ELF1: variants seen among roughly 807,000 people sequenced by gnomAD.
The protein encoded by ELF1 is ETS-related transcription factor Elf-1.
A neutral mutation model predicts 59.9 loss-of-function variants in ELF1; 24 were observed. The ratio of observed to expected loss-of-function variants is 0.40; its 90% CI spans 0.29 to 0.56. The LOEUF (loss-of-function observed/expected upper bound fraction) is 0.56, where lower values mean the gene tolerates loss of function less well. ELF1 is among the 20% of genes least tolerant of loss of function. The pLI is 0.44. For missense variants in ELF1, 627 were observed against 742.2 expected (o/e 0.84, Z 1.80); for synonymous variants, 248 against 266.2 (o/e 0.93, Z 0.67).
intron 2 of ELF1, among the ~76,000 whole-genome samples, chr13:40,962,047 C>T (rs1265062685): frequency 1.3e-5 from 2 of 152,186 alleles, no homozygotes; most frequent in Non-Finnish European, 2.9e-5. Context: ...ACCACAGATA[C>T]TTGTTACTAC....
At chr13:40,993,258 GT>G in intron 1 of ELF1, 2 of 1,581,800 alleles carry the variant, frequency 1.3e-6, no homozygotes, top group Non-Finnish European at 1.7e-6. Context: ...AACAGATGTT[GT>G]TGGGCCTCTG....
At chr13:40,965,174 C>A (rs1032288278) in intron 2 of ELF1, among the ~76,000 whole-genome samples, 1 of 152,168 alleles carries the variant, frequency 6.6e-6, no homozygotes, top group African/African-American at 2.4e-5. Flanking sequence ...TGCTGAAGAT[C>A]ATCAAATCTT....
chr13:41,032,311 G>A (rs977588396), intron 1 of ELF1, among the ~76,000 whole-genome samples: 3 of 150,634 alleles, frequency 2.0e-5, no homozygotes, highest in East Asian at 2.0e-4. Flanking sequence ...TCTGCCTCCC[G>A]GGTTCAAGTG....
chr13:41,032,781 T>C (rs1876218911), intron 1 of ELF1, among the ~76,000 whole-genome samples: 1 of 151,712 alleles, frequency 6.6e-6, no homozygotes, highest in Admixed American at 6.6e-5. Flanking sequence ...GCCCAGGAGT[T>C]TGAGGTCACA....
At chr13:41,024,091 T>A (rs2138397581), upstream of ELF1, among the ~76,000 whole-genome samples, 1 of 152,310 alleles carries the variant, frequency 6.6e-6, no homozygotes, top group Middle Eastern at 3.4e-3. Context: ...CTGACTGCAA[T>A]CTCAAGTTGT....
chr13:40,954,455 G>GTCTCCC (rs1199052007), intron 3 of ELF1, among the ~76,000 whole-genome samples: 4 of 137,884 alleles, frequency 2.9e-5, no homozygotes, highest in African/African-American at 1.0e-4. Context: ...TCTCCCCACG[G>GTCTCCC]TCTCCCTCTC....
chr13:40,970,931 G>A (rs1419844233), intron 2 of ELF1, among the ~76,000 whole-genome samples: 1 of 152,154 alleles, frequency 6.6e-6, no homozygotes, highest in Non-Finnish European at 1.5e-5. Flanking sequence ...CTAATGTAGT[G>A]ATGACGGAAG....
At chr13:41,061,267 C>G (rs1260652954) in exon 1 of ELF1, 1 of 282,872 alleles carries the variant, frequency 3.5e-6, no homozygotes, top group Non-Finnish European at 6.9e-6. Context: ...CTTGAGCCAG[C>G]GAGCCTAGAA....
At chr13:40,959,803 T>G (rs1489361468) in intron 2 of ELF1, among the ~76,000 whole-genome samples, 1 of 152,190 alleles carries the variant, frequency 6.6e-6, no homozygotes, top group East Asian at 1.9e-4. Context: ...AATTTTAGAA[T>G]GGAAAGGACC....
chr13:40,964,035 GA>G (rs1409630279), intron 2 of ELF1, among the ~76,000 whole-genome samples: 1 of 151,788 alleles, frequency 6.6e-6, no homozygotes, highest in Non-Finnish European at 1.5e-5. Context: ...ACCATAAATA[GA>G]AAAAAAATGC....
At chr13:40,977,693 A>G (rs1031241500) in intron 2 of ELF1, among the ~76,000 whole-genome samples, 6 of 152,236 alleles carry the variant, frequency 3.9e-5, no homozygotes, top group African/African-American at 1.4e-4. Flanking sequence ...TTAAAAAGTT[A>G]AAAATCCCAA....
intron 1 of ELF1, 53 bp from the exon 2 acceptor site, chr13:40,982,335 T>C: frequency 8.7e-7 from 1 of 1,148,474 alleles, no homozygotes. Flanking sequence ...CCACTTAGGA[T>C]ATAATAACTG....
upstream of ELF1, among the ~76,000 whole-genome samples, chr13:41,020,990 T>C (rs768861057): frequency 2.0e-5 from 3 of 152,010 alleles, no homozygotes; most frequent in Non-Finnish European, 2.9e-5. Context: ...CTTACAAAAC[T>C]AAAAATAAAC....
chr13:41,033,823 T>C (rs765783765), intron 1 of ELF1, among the ~76,000 whole-genome samples: 1 of 152,224 alleles, frequency 6.6e-6, no homozygotes. Context: ...TACTATATGA[T>C]TCCATTTATA....
intron 1 of ELF1, among the ~76,000 whole-genome samples, chr13:41,046,691 G>A (rs1264676880): frequency 1.3e-5 from 2 of 152,144 alleles, no homozygotes; most frequent in African/African-American, 2.4e-5. Context: ...TGGGTAACCC[G>A]ACCTTTTTCT....
intron 2 of ELF1, among the ~76,000 whole-genome samples, chr13:40,970,275 T>C (rs895596155): frequency 1.3e-5 from 2 of 152,224 alleles, no homozygotes; most frequent in African/African-American, 4.8e-5. Flanking sequence ...TCTAGACTTA[T>C]TTAGTAATTC....
At chr13:41,043,524 CT>C (rs1415778923) in intron 1 of ELF1, among the ~76,000 whole-genome samples, 1 of 152,140 alleles carries the variant, frequency 6.6e-6, no homozygotes, top group Admixed American at 6.5e-5. Context: ...CTACATATGT[CT>C]AGCCAGTTTT....
chr13:40,968,186 T>C (rs1872304214), intron 2 of ELF1, among the ~76,000 whole-genome samples: 1 of 152,160 alleles, frequency 6.6e-6, no homozygotes, highest in Non-Finnish European at 1.5e-5. Flanking sequence ...AAAGCAGAGG[T>C]CCATCTGATG....
chr13:41,008,495 G>A (rs1874872536), intron 1 of ELF1, among the ~76,000 whole-genome samples: 1 of 151,938 alleles, frequency 6.6e-6, no homozygotes, highest in Non-Finnish European at 1.5e-5. Context: ...GATGAGACTG[G>A]TGTGATTTTG....
Sources: allele counts gnomAD v4.1 joint callset (sites outside exome capture counted in the v4.1 genomes callset), GRCh38; gene constraint gnomAD v4.1.1; transcripts MANE v1.5; gene names NCBI Gene and HGNC (gene_info 2026-07-23, HGNC 2026-07-21).